Variants in DPYD observed in about 807,000 individuals in gnomAD.
DPYD encodes dihydropyrimidine dehydrogenase, also known as dihydropyrimidine dehydrogenase [NADP(+)].
Under a neutral mutation model 116.2 loss-of-function variants are expected in DPYD, and 109 were observed. The ratio of observed to expected loss-of-function variants is 0.94; its 90% CI spans 0.80 to 1.10. DPYD has a LOEUF of 1.10. Ranked by LOEUF, DPYD falls within the 50% of genes least tolerant of loss-of-function variation. The pLI, the probability that DPYD is intolerant of heterozygous loss-of-function variation, is 0.00. For synonymous variants in DPYD, 440 were observed against 432.0 expected (o/e 1.02, Z -0.23); for missense variants, 1,302 against 1,254.5 (o/e 1.04, Z -0.57).
chr1:97,235,062 C>T (rs1661819818), intron 18 of DPYD, 68 bp from the exon 19 acceptor site: 2 of 1,585,608 alleles, frequency 1.3e-6, no homozygotes, highest in East Asian at 2.2e-5. Flanking sequence ...TATATTACTT[C>T]TATTACTATG....
chr1:97,697,707 T>TA (rs1369121172), intron 6 of DPYD, among the ~76,000 whole-genome samples: 5 of 151,634 alleles, frequency 3.3e-5, no homozygotes, highest in South Asian at 2.1e-4. Flanking sequence ...CAAATAAATT[T>TA]AAAAAAAACA....
chr1:97,386,217 A>G (rs1672335908), intron 14 of DPYD, among the ~76,000 whole-genome samples: 1 of 152,082 alleles, frequency 6.6e-6, no homozygotes, highest in South Asian at 2.1e-4. Flanking sequence ...CCCCACCTGC[A>G]CTGATCATAG....
chr1:97,212,159 C>T (rs995349420), intron 19 of DPYD, among the ~76,000 whole-genome samples: 80 of 152,218 alleles, frequency 5.3e-4, no homozygotes, highest in African/African-American at 1.8e-3. Flanking sequence ...AGCATCACCA[C>T]AACCTGGTTT....
chr1:97,616,964 C>T (rs1176257382), intron 8 of DPYD, among the ~76,000 whole-genome samples: 1 of 152,062 alleles, frequency 6.6e-6, no homozygotes, highest in Non-Finnish European at 1.5e-5. Context: ...CAGCTCACTG[C>T]AACCTCCGCC....
chr1:97,849,099 A>G (rs4570451), intron 2 of DPYD, among the ~76,000 whole-genome samples: 4 of 152,218 alleles, frequency 2.6e-5, no homozygotes, highest in Admixed American at 2.6e-4. Flanking sequence ...TTAGATAACC[A>G]AATTACCATA....
intron 15 of DPYD, among the ~76,000 whole-genome samples, chr1:97,381,810 T>G (rs1043568739): frequency 2.6e-5 from 4 of 152,180 alleles, no homozygotes. Context: ...CTATTTGAAA[T>G]ACAAATTTAA....
chr1:97,315,179 A>G (rs941276739), intron 16 of DPYD, among the ~76,000 whole-genome samples: 5 of 152,118 alleles, frequency 3.3e-5, no homozygotes, highest in Admixed American at 1.3e-4. Context: ...AACCACTCGG[A>G]TCTACCTTCA....
chr1:97,642,005 C>T (rs1657935980), intron 8 of DPYD, among the ~76,000 whole-genome samples: 2 of 152,060 alleles, frequency 1.3e-5, no homozygotes, highest in Non-Finnish European at 2.9e-5. Flanking sequence ...TTCACAACTG[C>T]TACAAAGAGA....
intron 12 of DPYD, among the ~76,000 whole-genome samples, chr1:97,532,917 T>TC (rs1649736346): frequency 4.7e-5 from 6 of 127,810 alleles, no homozygotes; most frequent in Non-Finnish European, 8.3e-5. Flanking sequence ...AGTTGTTTTT[T>TC]TTTTTTGTTG....
At chr1:97,737,742 C>T (rs1664040170) in intron 4 of DPYD, among the ~76,000 whole-genome samples, 2 of 151,778 alleles carry the variant, frequency 1.3e-5, no homozygotes. Context: ...AATATATGTA[C>T]AATATATATC....
At chr1:97,698,339 C>A (rs1661414054) in intron 6 of DPYD, among the ~76,000 whole-genome samples, 1 of 151,540 alleles carries the variant, frequency 6.6e-6, no homozygotes, top group Admixed American at 6.6e-5. Context: ...ATCAATGATA[C>A]AAATAATTGA....
chr1:97,607,738 A>G (rs975064323), intron 8 of DPYD, among the ~76,000 whole-genome samples: 1 of 151,910 alleles, frequency 6.6e-6, no homozygotes, highest in African/African-American at 2.4e-5. Context: ...GAGAGGTATC[A>G]GCTCAAACTT....
intron 15 of DPYD, among the ~76,000 whole-genome samples, chr1:97,381,487 A>G (rs1219914490): frequency 6.6e-6 from 1 of 152,178 alleles, no homozygotes; most frequent in Non-Finnish European, 1.5e-5. Flanking sequence ...AAATACATGT[A>G]TCAAATGAAC....
At chr1:97,575,406 G>A (rs1218880979) in intron 10 of DPYD, among the ~76,000 whole-genome samples, 4 of 152,008 alleles carry the variant, frequency 2.6e-5, no homozygotes, top group Non-Finnish European at 1.5e-5. Flanking sequence ...ATCATAGCAG[G>A]GAGGATTAAG....
At chr1:97,522,127 G>T (rs1378835307) in intron 12 of DPYD, among the ~76,000 whole-genome samples, 1 of 152,126 alleles carries the variant, frequency 6.6e-6, no homozygotes, top group East Asian at 1.9e-4. Flanking sequence ...GCAACCTACA[G>T]AACAGGAGAA....
At chr1:97,129,076 T>TTC in intron 20 of DPYD, among the ~76,000 whole-genome samples, 1 of 146,414 alleles carries the variant, frequency 6.8e-6, no homozygotes, top group East Asian at 2.2e-4. Flanking sequence ...ATTCTTTTTT[T>TTC]TTTTTTTTTA....
intron 12 of DPYD, among the ~76,000 whole-genome samples, chr1:97,530,772 C>A (rs556157037): frequency 6.6e-6 from 1 of 152,156 alleles, no homozygotes; most frequent in Non-Finnish European, 1.5e-5. Flanking sequence ...AATTTCTCCA[C>A]AAACTTGTCA....
At chr1:97,731,985 C>T (rs570230280) in intron 4 of DPYD, among the ~76,000 whole-genome samples, 1 of 152,074 alleles carries the variant, frequency 6.6e-6, no homozygotes, top group South Asian at 2.1e-4. Context: ...TGATGTTACT[C>T]GTTTCATATA....
At chr1:97,625,696 AC>A (rs1165313966) in intron 8 of DPYD, among the ~76,000 whole-genome samples, 11 of 152,014 alleles carry the variant, frequency 7.2e-5, no homozygotes, top group Non-Finnish European at 1.2e-4. Flanking sequence ...ATGGTCATCT[AC>A]AATGCCAAGG....
Sources: allele counts gnomAD v4.1 joint callset (sites outside exome capture counted in the v4.1 genomes callset), GRCh38; gene constraint gnomAD v4.1.1; transcripts MANE v1.5; gene names NCBI Gene and HGNC (gene_info 2026-07-23, HGNC 2026-07-21).